The following SYNPR variants were observed in gnomAD, a reference collection of about 807,000 sequenced individuals.
The protein encoded by SYNPR is synaptoporin.
A neutral mutation model predicts 32.9 loss-of-function variants in SYNPR; 23 were observed. The ratio of observed to expected loss-of-function variants is 0.70; its 90% CI spans 0.50 to 0.99. The LOEUF is 0.99. SYNPR is among the 50% of genes least tolerant of loss of function. The pLI, the probability that SYNPR is intolerant of heterozygous loss-of-function variation, is 0.00. For synonymous variants in SYNPR, 146 were observed against 135.9 expected, an observed-to-expected ratio of 1.07 and a Z score of -0.52; for missense variants, 318 against 349.3, an observed-to-expected ratio of 0.91 and a Z score of 0.71.
the SYNPR span, among the ~76,000 whole-genome samples, chr3:63,220,960 CT>C: frequency 6.6e-6 from 1 of 152,286 alleles, no homozygotes; most frequent in African/African-American, 2.4e-5. Context: ...ATATTAAACT[CT>C]TTAGATTCAA....
chr3:63,428,792 G>A (rs1186424562), intron 2 of SYNPR, among the ~76,000 whole-genome samples: 1 of 152,202 alleles, frequency 6.6e-6, no homozygotes, highest in Non-Finnish European at 1.5e-5. Context: ...ACTTGGAAAA[G>A]TTCCAGGAGA....
rs1700277762 is a variant in SYNPR, at chr3:63,616,320, A to C, written c.*839A>C. On this transcript the variant is annotated 3_prime_UTR_variant, in exon 6 of 6. Coordinates refer to ENST00000478300, the MANE Select transcript of SYNPR (RefSeq NM_001130003.2). ...GTGTTTTGTGGCTCTTATCTTGTGG[A>C]CCATAAATAACACGGCCCAATAACT... The C allele has an allele frequency of 6.6e-6, 1 of 152,108 alleles. No individual in the cohort carries two copies. Among genetic ancestry groups the C allele is most frequent in the African/African-American group, 2.4e-5 (1 of 41,422 alleles). The allele number at this position is 152,108 out of a possible 1,614,324, so 9.4% of individuals were successfully genotyped here. A position where few individuals can be genotyped will look rare whatever the true frequency, so the allele number is the denominator to read the frequency against.
At chr3:63,580,533 C>T (rs1040100478) in intron 4 of SYNPR, among the ~76,000 whole-genome samples, 4 of 151,760 alleles carry the variant, frequency 2.6e-5, no homozygotes, top group Admixed American at 2.6e-4. Context: ...GTCTCCAGGA[C>T]GTGGAAGCAT....
rs148608680 is a variant in SYNPR, at chr3:63,569,656, T to C, written c.408+12915T>C. Reference sequence around the variant, plus strand: ...TCCCCAAGACAGGCATGAATTTGCATAGCCACGCAAGCGTAGGCCCAGTGC... The same window carrying C: ...TCCCCAAGACAGGCATGAATTTGCACAGCCACGCAAGCGTAGGCCCAGTGC... On this transcript the variant is annotated intron_variant, in intron 4 of 5. Coordinates refer to ENST00000478300, the MANE Select transcript of SYNPR (RefSeq NM_001130003.2). Among the ~76,000 whole-genome samples the C allele has an allele frequency of 6.2e-3, 938 of 152,364 alleles. 7 individuals are homozygous for C. Among genetic ancestry groups the C allele is most frequent in the Non-Finnish European group, 8.6e-3 (588 of 68,034 alleles).
chr3:63,557,550 T>G (rs145424655), intron 4 of SYNPR, among the ~76,000 whole-genome samples: 1,769 of 152,322 alleles, frequency 0.012, 19 homozygotes, highest in Middle Eastern at 0.048. Context: ...CAAAAGTGAT[T>G]CTGATGCCTG....
intron 2 of SYNPR, among the ~76,000 whole-genome samples, chr3:63,295,191 G>GTT (rs1231991565): frequency 0.012 from 1,837 of 152,270 alleles, 28 homozygotes; most frequent in African/African-American, 0.041. Context: ...TTTGGGCTAT[G>GTT]TCGGCCTCCC....
At chr3:63,486,535 C>T (rs1338697733) in intron 3 of SYNPR, among the ~76,000 whole-genome samples, 1 of 152,174 alleles carries the variant, frequency 6.6e-6, no homozygotes, top group Non-Finnish European at 1.5e-5. Context: ...GAGCTGAATC[C>T]TCTAAGGAGT....
chr3:63,268,603 A>T (rs1163089949), intron 3 of SYNPR, among the ~76,000 whole-genome samples: 2 of 152,228 alleles, frequency 1.3e-5, no homozygotes, highest in African/African-American at 4.8e-5. Flanking sequence ...CATTTACTAT[A>T]AGTAGACGTG....
chr3:63,307,406 C>T (rs1402937781), intron 2 of SYNPR, among the ~76,000 whole-genome samples: 1 of 152,038 alleles, frequency 6.6e-6, no homozygotes, highest in African/African-American at 2.4e-5. Context: ...ATGGTCACTA[C>T]TATTATTAAC....
chr3:63,491,018 C>A lies in SYNPR; in HGVS notation c.209+10062C>A, dbSNP rs368781272. 6.0e-4 allele frequency among the ~76,000 whole-genome samples: 92 copies of A among 152,204 alleles called. No individual in the cohort carries two copies. In the East Asian group the frequency reaches 0.014, roughly 23 times the overall value. On this transcript the variant is annotated intron_variant, in intron 3 of 5. Coordinates refer to ENST00000478300, the MANE Select transcript of SYNPR (RefSeq NM_001130003.2). ...ACCTCAGGTGATCTGCCCACCTCAG[C>A]CTTCCAAAGTGAGGGGGTTACAGGT...
intron 3 of SYNPR, among the ~76,000 whole-genome samples, chr3:63,494,565 C>T (rs544972571): frequency 6.0e-5 from 9 of 149,102 alleles, no homozygotes; most frequent in Admixed American, 2.0e-4. Context: ...TCGTTGTCAT[C>T]GATATCATTA....
At chr3:63,254,057 T>C (rs2086361326) in intron 2 of SYNPR, among the ~76,000 whole-genome samples, 1 of 152,032 alleles carries the variant, frequency 6.6e-6, no homozygotes, top group Non-Finnish European at 1.5e-5. Flanking sequence ...CTCAGCAAAC[T>C]ATCGCAAGGA....
upstream of SYNPR, among the ~76,000 whole-genome samples, chr3:63,226,304 T>C (rs1290670970): frequency 6.6e-6 from 1 of 152,094 alleles, no homozygotes; most frequent in Admixed American, 6.6e-5. Context: ...GATTTATCAA[T>C]AAACTAAAAA....
intron 2 of SYNPR, among the ~76,000 whole-genome samples, chr3:63,447,969 C>T (rs1700308950): frequency 6.7e-6 from 1 of 149,562 alleles, no homozygotes; most frequent in Non-Finnish European, 1.5e-5. Context: ...TGGTATTCCC[C>T]AGGGGACTTA....
At chr3:63,231,809 A>C (rs1223838631) in intron 1 of SYNPR, among the ~76,000 whole-genome samples, 1 of 152,222 alleles carries the variant, frequency 6.6e-6, no homozygotes, top group Non-Finnish European at 1.5e-5. Context: ...AAAGAAGAAA[A>C]AGTTCAACCC....
At chr3:63,568,946 T>C (rs930653355) in intron 4 of SYNPR, among the ~76,000 whole-genome samples, 6 of 152,186 alleles carry the variant, frequency 3.9e-5, no homozygotes, top group Admixed American at 6.5e-5. Flanking sequence ...TGCATCAAAA[T>C]AGTATTAATG....
intron 1 of SYNPR, among the ~76,000 whole-genome samples, chr3:63,242,970 G>A (rs962083694): frequency 6.6e-5 from 10 of 152,018 alleles, no homozygotes; most frequent in South Asian, 4.2e-4. Context: ...GAACAATAGC[G>A]CATATACCCA....
chr3:63,496,788 C>A (rs1701381815), intron 3 of SYNPR, among the ~76,000 whole-genome samples: 1 of 148,738 alleles, frequency 6.7e-6, no homozygotes, highest in South Asian at 2.2e-4. Flanking sequence ...GGCATACCCA[C>A]CTTATCTCTT....
chr3:63,286,859 T>C (rs1401067091), intron 2 of SYNPR, among the ~76,000 whole-genome samples: 1 of 152,210 alleles, frequency 6.6e-6, no homozygotes, highest in Admixed American at 6.5e-5. Flanking sequence ...TAGCAAACTG[T>C]TAACTATCCT....
Sources: allele counts gnomAD v4.1 joint callset (sites outside exome capture counted in the v4.1 genomes callset), GRCh38; gene constraint gnomAD v4.1.1; transcripts MANE v1.5; gene names NCBI Gene and HGNC (gene_info 2026-07-23, HGNC 2026-07-21).